GPHN: variants seen among roughly 807,000 people sequenced by gnomAD.
GPHN encodes the protein gephyrin.
In GPHN, 17 loss-of-function variants were observed where a neutral mutation model predicts 95.5. That is an observed-to-expected ratio of 0.18 (90% CI 0.12 to 0.27). GPHN has a LOEUF of 0.27. GPHN is among the 10% of genes least tolerant of loss of function. The pLI is 1.00. For missense variants in GPHN, 660 were observed against 978.1 expected (o/e 0.67, Z 4.34); for synonymous variants, 320 against 322.5 (o/e 0.99, Z 0.08).
intron 10 of GPHN, among the ~76,000 whole-genome samples, chr14:67,057,275 A>T (rs544391251): frequency 1.5e-4 from 23 of 152,332 alleles, no homozygotes; most frequent in African/African-American, 5.3e-4. Context: ...AAGGAATGAG[A>T]TCATGTCCTT....
chr14:67,203,193 A>T, the GPHN span: 1 of 1,613,994 alleles, frequency 6.2e-7, no homozygotes. Flanking sequence ...CCCCAATGTG[A>T]TGCTACTGGC....
At chr14:67,322,927 T>C in the GPHN span, among the ~76,000 whole-genome samples, 1 of 152,178 alleles carries the variant, frequency 6.6e-6, no homozygotes, top group African/African-American at 2.4e-5. Flanking sequence ...CTACTTTTTC[T>C]TGGATGTGCT....
intron 1 of GPHN, among the ~76,000 whole-genome samples, chr14:66,597,968 C>G (rs1323881112): frequency 6.6e-6 from 1 of 152,132 alleles, no homozygotes; most frequent in African/African-American, 2.4e-5. Flanking sequence ...GAAGGAAATC[C>G]TGTCATTCTC....
intron 17 of GPHN, among the ~76,000 whole-genome samples, chr14:67,138,548 A>T (rs1052254112): frequency 6.6e-6 from 1 of 152,166 alleles, no homozygotes; most frequent in East Asian, 1.9e-4. Context: ...CAGTTTTTAT[A>T]TGTTAAAAAT....
At chr14:67,279,712 C>G in the GPHN span, 2 of 541,762 alleles carry the variant, frequency 3.7e-6, no homozygotes, top group East Asian at 6.4e-5. Flanking sequence ...CTGTTACCAA[C>G]ATAGAGCTAA....
At chr14:67,452,763 G>T in the GPHN span, among the ~76,000 whole-genome samples, 2 of 152,186 alleles carry the variant, frequency 1.3e-5, no homozygotes, top group Non-Finnish European at 2.9e-5. Flanking sequence ...TATAAGACAT[G>T]TCTAGAGACA....
chr14:66,796,766 G>A (rs971648293), intron 3 of GPHN, among the ~76,000 whole-genome samples: 1 of 151,918 alleles, frequency 6.6e-6, no homozygotes, highest in African/African-American at 2.4e-5. Context: ...TCTCCATTCT[G>A]TGGGTTGTCT....
the GPHN span, chr14:67,395,654 G>A: frequency 0.079 from 108,548 of 1,367,954 alleles, 12,594 homozygotes; most frequent in East Asian, 0.42. Context: ...CAAAAATGAC[G>A]GGGCCCCGGG....
At chr14:66,807,472 T>TTTA (rs1308197535) in intron 3 of GPHN, among the ~76,000 whole-genome samples, 5 of 152,358 alleles carry the variant, frequency 3.3e-5, no homozygotes, top group Middle Eastern at 3.4e-3. Context: ...TCTTCTATAA[T>TTTA]AGTGAGAGTT....
chr14:67,383,276 T>A, the GPHN span: 1 of 1,604,950 alleles, frequency 6.2e-7, no homozygotes, highest in East Asian at 2.2e-5. Flanking sequence ...TGTATAGTAT[T>A]TACTACTTCA....
chr14:67,197,452 C>T, the GPHN span: 1 of 152,050 alleles, frequency 6.6e-6, no homozygotes, highest in South Asian at 2.1e-4. Context: ...CCTCTTCCTT[C>T]TTCTACTTAC....
chr14:67,473,432 G>A, the GPHN span: 9 of 1,613,842 alleles, frequency 5.6e-6, no homozygotes, highest in Admixed American at 1.7e-5. The surrounding 1 kb of genome is among the most constrained non-coding windows in gnomAD (Gnocchi z 6.5). Context: ...AGTCAGTCTT[G>A]ACATGGCCGT....
At chr14:66,916,511 T>G (rs1040124927) in intron 6 of GPHN, among the ~76,000 whole-genome samples, 51 of 150,080 alleles carry the variant, frequency 3.4e-4, no homozygotes, top group Non-Finnish European at 1.6e-4. Flanking sequence ...GGTTTTTTTT[T>G]TTGTTTTGTT....
chr14:67,007,268 T>C (rs1412859392), intron 9 of GPHN, among the ~76,000 whole-genome samples: 1 of 152,190 alleles, frequency 6.6e-6, no homozygotes, highest in Admixed American at 6.5e-5. Flanking sequence ...CATTTATTTT[T>C]CTAAGTCATG....
At chr14:66,774,280 G>T (rs1566930825) in intron 2 of GPHN, among the ~76,000 whole-genome samples, 1 of 152,054 alleles carries the variant, frequency 6.6e-6, no homozygotes, top group African/African-American at 2.4e-5. Context: ...GGGATTACAG[G>T]CATGAGCCAC....
At chr14:67,592,472 G>A in the GPHN span, 1 of 569,830 alleles carries the variant, frequency 1.8e-6, no homozygotes. Context: ...ATATTTTTAA[G>A]GAATACATTT....
At chr14:67,246,233 C>T in the GPHN span, among the ~76,000 whole-genome samples, 2 of 152,014 alleles carry the variant, frequency 1.3e-5, no homozygotes, top group Admixed American at 6.6e-5. Flanking sequence ...CCTTGGCCTC[C>T]CAGGTTCAAG....
chr14:67,583,704 A>T, the GPHN span: 2 of 1,570,758 alleles, frequency 1.3e-6, no homozygotes, highest in Non-Finnish European at 1.7e-6. Context: ...ATCCACTGTC[A>T]GATTTTGACT....
chr14:66,541,075 G>A (rs1464316287), intron 1 of GPHN, among the ~76,000 whole-genome samples: 2 of 152,174 alleles, frequency 1.3e-5, no homozygotes, highest in Non-Finnish European at 1.5e-5. Flanking sequence ...AGCCTCCTGA[G>A]TAGCTGGAAT....
Sources: allele counts gnomAD v4.1 joint callset (sites outside exome capture counted in the v4.1 genomes callset), GRCh38; gene constraint gnomAD v4.1.1; non-coding constraint Gnocchi (gnomAD v3.1); transcripts MANE v1.5; gene names NCBI Gene and HGNC (gene_info 2026-07-23, HGNC 2026-07-21).